Variants in QRICH1 observed in about 807,000 individuals in gnomAD.
The protein encoded by QRICH1 is glutamine rich 1, also known as transcriptional regulator QRICH1.
Under a neutral mutation model 87.1 loss-of-function variants are expected in QRICH1, and 16 were observed. The observed-to-expected ratio is 0.18, with a 90% confidence interval of 0.12 to 0.28. The LOEUF (loss-of-function observed/expected upper bound fraction) is 0.28, where lower values mean the gene tolerates loss of function less well. QRICH1 is among the 10% of genes least tolerant of loss of function. The pLI is 1.00. For synonymous variants in QRICH1, 367 were observed against 368.4 expected, an observed-to-expected ratio of 1.00 and a Z score of 0.05; for missense variants, 647 against 951.7, an observed-to-expected ratio of 0.68 and a Z score of 4.21.
intron 6 of QRICH1, among the ~76,000 whole-genome samples, chr3:49,041,931 C>G (rs1387239199): frequency 6.6e-6 from 1 of 151,858 alleles, no homozygotes; most frequent in Non-Finnish European, 1.5e-5. Context: ...AACCACAGCT[C>G]CCAGCCAATT....
chr3:49,037,847 T>G (rs963848764), intron 6 of QRICH1, among the ~76,000 whole-genome samples: 4 of 149,706 alleles, frequency 2.7e-5, no homozygotes, highest in African/African-American at 7.4e-5. Context: ...GGTGTGATGG[T>G]GCGCGCCTGT....
At chr3:49,083,905 G>A (rs1294760825) in intron 1 of QRICH1, among the ~76,000 whole-genome samples, 2 of 150,158 alleles carry the variant, frequency 1.3e-5, no homozygotes, top group African/African-American at 2.4e-5. Flanking sequence ...AGGTTCAAGC[G>A]ATTCTCCTGC....
intron 6 of QRICH1, among the ~76,000 whole-genome samples, chr3:49,035,714 A>G (rs1246630225): frequency 1.3e-5 from 2 of 152,116 alleles, no homozygotes; most frequent in Non-Finnish European, 2.9e-5. Flanking sequence ...CCCGAGCCCA[A>G]CAGGGTGAGG....
chr3:49,052,612 T>C (rs1052353842), intron 3 of QRICH1, among the ~76,000 whole-genome samples: 1 of 152,180 alleles, frequency 6.6e-6, no homozygotes, highest in African/African-American at 2.4e-5. Context: ...TTCAGGCAAT[T>C]CTGTGCCTCA....
At chr3:49,048,485 A>C (rs1319559622) in intron 3 of QRICH1, among the ~76,000 whole-genome samples, 3 of 150,832 alleles carry the variant, frequency 2.0e-5, no homozygotes, top group African/African-American at 7.3e-5. Flanking sequence ...TTTAAAAAAA[A>C]AAAAAAAAAA....
intron 9 of QRICH1, 32 bp from the exon 10 acceptor site, chr3:49,030,676 A>G (rs769508978): frequency 5.4e-6 from 8 of 1,494,724 alleles, no homozygotes; most frequent in Middle Eastern, 1.8e-4. Flanking sequence ...GTTGGGTACC[A>G]CCAATATAAC....
rs755205578 is a variant in QRICH1, at chr3:49,029,758, A to G, written c.*694T>C. Reference sequence around the variant, plus strand: ...TAATAAACAACTAGAGTAAGAATACATAAGAGAAACAGAGTGGTATCTTTA... The same window carrying G: ...TAATAAACAACTAGAGTAAGAATACGTAAGAGAAACAGAGTGGTATCTTTA... On this transcript the variant is annotated 3_prime_UTR_variant, in exon 10 of 10. Transcript: ENST00000395443. 224 of 311,076 alleles carry G rather than the reference A, an allele frequency of 7.2e-4. No individual in the cohort carries two copies. Among genetic ancestry groups the G allele is most frequent in the Middle Eastern group, 3.4e-3 (3 of 876 alleles). 19.3% of individuals were successfully genotyped at this position (311,076 alleles called of 1,614,324 possible). A position where few individuals can be genotyped will look rare whatever the true frequency, so the allele number is the denominator to read the frequency against.
chr3:49,053,226 C>A (rs976326985), intron 3 of QRICH1, among the ~76,000 whole-genome samples: 1 of 152,038 alleles, frequency 6.6e-6, no homozygotes, highest in Non-Finnish European at 1.5e-5. Flanking sequence ...CGGTGGCTCA[C>A]GCCTGTAATC....
intron 3 of QRICH1, among the ~76,000 whole-genome samples, chr3:49,050,857 C>T (rs550645682): frequency 6.6e-6 from 1 of 152,176 alleles, no homozygotes; most frequent in African/African-American, 2.4e-5. Context: ...ACAGAAGCCG[C>T]TGAGTGACCC....
chr3:49,069,543 ATTTTTTTTTTT>A (rs372639913), intron 2 of QRICH1, among the ~76,000 whole-genome samples: 1 of 122,796 alleles, frequency 8.1e-6, no homozygotes, highest in Non-Finnish European at 1.6e-5. Flanking sequence ...ATGGGGGGGA[ATTTTTTTTTTT>A]TTTTTTTTTT....
At chr3:49,042,351 G>A (rs1170966023) in intron 6 of QRICH1, among the ~76,000 whole-genome samples, 4 of 151,778 alleles carry the variant, frequency 2.6e-5, no homozygotes, top group Admixed American at 6.6e-5. Context: ...CACATGCCTC[G>A]GCCTCCCAAA....
Position 49,044,044 on chromosome 3 carries a change from G to T in QRICH1, c.1786+346C>A, listed in dbSNP as rs35855201. ...TCCAATAGAACATGCTGTCCAGAAG[G>T]CTGCCTGTGAGTAAAGCAAAAATTA... On this transcript the variant is annotated intron_variant, in intron 6 of 9. Transcript: ENST00000395443. Among the ~76,000 whole-genome samples the T allele has an allele frequency of 1.3e-3, 199 of 152,242 alleles. No homozygotes were observed. The Middle Eastern group carries it at 0.024, about 18-fold the overall frequency.
intron 6 of QRICH1, among the ~76,000 whole-genome samples, chr3:49,040,922 T>C (rs1434142372): frequency 3.9e-5 from 6 of 152,204 alleles, no homozygotes. Flanking sequence ...AAATGTACAG[T>C]AGTATTTCAT....
chr3:49,031,888 G>A (rs1227540219), intron 9 of QRICH1, among the ~76,000 whole-genome samples: 1 of 152,212 alleles, frequency 6.6e-6, no homozygotes, highest in African/African-American at 2.4e-5. Context: ...TCAAGGTCAG[G>A]AAGCAGGGCC....
chr3:49,072,649 C>T (rs2041864519), intron 2 of QRICH1, among the ~76,000 whole-genome samples: 1 of 152,088 alleles, frequency 6.6e-6, no homozygotes, highest in African/African-American at 2.4e-5. Flanking sequence ...TAAGCTCATG[C>T]CAACAATTGA....
intron 2 of QRICH1, among the ~76,000 whole-genome samples, chr3:49,060,538 C>A (rs914602331): frequency 1.3e-5 from 2 of 151,770 alleles, no homozygotes; most frequent in Non-Finnish European, 2.9e-5. Flanking sequence ...CCATGTTGGC[C>A]AGGCTGGTCC....
Position 49,057,425 on chromosome 3 carries a change from C to A in QRICH1, c.775G>T (p.Ala259Ser). Residue 259 changes from alanine to serine, a missense_variant, in exon 3 of 10, where the codon GCC becomes TCC. Ala to Ser is a moderately conservative substitution (Grantham distance 99). Around this residue, in one of 7 missense-constraint regions of QRICH1, gnomAD observed 75 missense variants for 141.0 expected, o/e 0.53. Coordinates refer to ENST00000395443, the MANE Select transcript of QRICH1 (RefSeq NM_198880.3). The surrounding 1 kb of genome is among the most constrained non-coding windows in gnomAD (Gnocchi z 5.4). Reference sequence around the variant, plus strand: ...GTGGCCACCGGCTGCCCTGAGATGGCGTAGGACACAGTGATGGGCATGTCC... The same window carrying A: ...GTGGCCACCGGCTGCCCTGAGATGGAGTAGGACACAGTGATGGGCATGTCC... ...KVDMPITVSY[A>S]ISGQPVATVL... 1 of 1,614,114 alleles carries A rather than the reference C, an allele frequency of 6.2e-7. No homozygotes were observed. The highest frequency in any genetic ancestry group is 8.5e-7 in the Non-Finnish European group (1 of 1,180,038).
intron 7 of QRICH1, 52 bp from the exon 8 acceptor site, chr3:49,032,825 A>C (rs551921954): frequency 1.5e-5 from 24 of 1,563,624 alleles, no homozygotes; most frequent in Middle Eastern, 4.0e-4. Flanking sequence ...GGAGGATACC[A>C]TGACTCATCC....
At chr3:49,054,575 T>A (rs2093389957) in intron 3 of QRICH1, among the ~76,000 whole-genome samples, 1 of 151,912 alleles carries the variant, frequency 6.6e-6, no homozygotes, top group Non-Finnish European at 1.5e-5. Context: ...TTTATGCTGT[T>A]CCATTCTTTT....
Sources: gnomAD v4.1 joint callset for allele counts (sites outside exome capture counted in the v4.1 genomes callset) on GRCh38, gnomAD v4.1.1 for gene constraint, gnomAD v4.1.1 regional missense constraint, Gnocchi (gnomAD v3.1) non-coding constraint, MANE v1.5 for transcripts, NCBI Gene and HGNC (gene_info 2026-07-23, HGNC 2026-07-21) for gene names.